The following LPAR1 variants were observed in gnomAD, a reference collection of about 807,000 sequenced individuals.
LPAR1 encodes LPA receptor 1.
Under a neutral mutation model 23.8 loss-of-function variants are expected in LPAR1, and 5 were observed. The ratio of observed to expected loss-of-function variants is 0.21; its 90% confidence interval spans 0.11 to 0.44. LPAR1 has a LOEUF of 0.44. Ranked by LOEUF, LPAR1 falls within the 20% of genes least tolerant of loss-of-function variation. The pLI is 0.99. For synonymous variants in LPAR1, 160 were observed against 164.7 expected, an observed-to-expected ratio of 0.97 and a Z score of 0.22; for missense variants, 311 against 482.8, an observed-to-expected ratio of 0.64 and a Z score of 3.33.
chr9:111,034,662 A>C (rs776901922), intron 2 of LPAR1, among the ~76,000 whole-genome samples: 1 of 152,246 alleles, frequency 6.6e-6, no homozygotes, highest in Non-Finnish European at 1.5e-5. Context: ...GCCATAAGTT[A>C]CACGGATTGT....
chr9:111,024,500 A>C (rs865803167), intron 2 of LPAR1, among the ~76,000 whole-genome samples: 33 of 147,090 alleles, frequency 2.2e-4, no homozygotes, highest in African/African-American at 2.2e-4. Flanking sequence ...ATATTTATAT[A>C]TACATAATTA....
intron 2 of LPAR1, among the ~76,000 whole-genome samples, chr9:111,002,517 G>A (rs575322585): frequency 7.2e-5 from 11 of 152,248 alleles, no homozygotes; most frequent in African/African-American, 2.4e-4. Context: ...CAGAAGTATG[G>A]CTCAATGTGG....
chr9:110,984,491 G>C (rs565811068), intron 2 of LPAR1, among the ~76,000 whole-genome samples: 2 of 152,064 alleles, frequency 1.3e-5, no homozygotes, highest in Non-Finnish European at 2.9e-5. Context: ...TGGACACTTA[G>C]GCTGCTTCCA....
chr9:111,023,731 A>G (rs1460686863), intron 2 of LPAR1, among the ~76,000 whole-genome samples: 3 of 152,226 alleles, frequency 2.0e-5, no homozygotes, highest in African/African-American at 7.2e-5. Flanking sequence ...TCATGACTAG[A>G]TAAGTGTTTT....
intron 2 of LPAR1, among the ~76,000 whole-genome samples, chr9:111,019,493 G>A (rs1291531984): frequency 6.6e-6 from 1 of 152,148 alleles, no homozygotes; most frequent in Non-Finnish European, 1.5e-5. Context: ...GTAAATGATA[G>A]TGTGTGTTTT....
At chr9:110,943,301 T>A (rs1201159768) in intron 4 of LPAR1, among the ~76,000 whole-genome samples, 2 of 151,944 alleles carry the variant, frequency 1.3e-5, no homozygotes, top group African/African-American at 4.8e-5. Flanking sequence ...TTTTCATTTT[T>A]ATTTTGCTTT....
At chr9:111,018,292 A>C (rs2097495853) in intron 2 of LPAR1, among the ~76,000 whole-genome samples, 1 of 152,198 alleles carries the variant, frequency 6.6e-6, no homozygotes, top group African/African-American at 2.4e-5. Flanking sequence ...TGCTGGTAGG[A>C]GTATGAAGCA....
rs71501655 is a variant in LPAR1, at chr9:110,994,608, G to C, written c.-181-21050C>G. 8.0e-3 allele frequency among the ~76,000 whole-genome samples: 1,220 copies of C among 152,240 alleles called. 8 individuals carry two copies. Among genetic ancestry groups the C allele is most frequent in the Non-Finnish European group, 0.012 (825 of 68,008 alleles). On this transcript the variant is annotated intron_variant, in intron 2 of 5. Transcript: ENST00000683809. ...AAAAGCTTCTTCACACTTTTTTACT[G>C]TACTTGCAACTTTTCTATAAGTTTG...
intron 2 of LPAR1, among the ~76,000 whole-genome samples, chr9:110,982,099 A>G (rs1703449358): frequency 6.6e-6 from 1 of 152,200 alleles, no homozygotes; most frequent in African/African-American, 2.4e-5. Context: ...TAGAAATACC[A>G]TTTGACTCAG....
chr9:111,027,509 AAAACAAG>A (rs2141365374), intron 2 of LPAR1, among the ~76,000 whole-genome samples: 1 of 151,146 alleles, frequency 6.6e-6, no homozygotes, highest in East Asian at 2.0e-4. Context: ...TTTAAGAAAC[AAAACAAG>A]AAAAATATTT....
chr9:110,932,686 C>A (rs946389812), intron 5 of LPAR1, among the ~76,000 whole-genome samples: 3 of 152,218 alleles, frequency 2.0e-5, no homozygotes, highest in African/African-American at 7.2e-5. Flanking sequence ...AGATCAGTGG[C>A]GGCATTAGAT....
intron 4 of LPAR1, among the ~76,000 whole-genome samples, chr9:110,952,086 C>T (rs1466302876): frequency 1.3e-5 from 2 of 152,144 alleles, no homozygotes; most frequent in African/African-American, 4.8e-5. Context: ...GATAGTCACA[C>T]TTTAAACAGA....
intron 2 of LPAR1, among the ~76,000 whole-genome samples, chr9:111,026,284 T>G (rs1047558269): frequency 6.6e-6 from 1 of 152,168 alleles, no homozygotes; most frequent in Non-Finnish European, 1.5e-5. Context: ...ATTCTCTTTG[T>G]AGCAATTGTG....
chr9:110,980,215 TAAAAAG>T (rs2096639867), intron 2 of LPAR1, among the ~76,000 whole-genome samples: 1 of 151,922 alleles, frequency 6.6e-6, no homozygotes, highest in Non-Finnish European at 1.5e-5. Context: ...ACTAGTAAGA[TAAAAAG>T]AAATAAAAAC....
intron 5 of LPAR1, among the ~76,000 whole-genome samples, chr9:110,900,402 G>A (rs983652291): frequency 2.0e-5 from 3 of 152,046 alleles, no homozygotes; most frequent in East Asian, 3.9e-4. Flanking sequence ...TTAGTGGTCC[G>A]TATTTCTCAC....
intron 4 of LPAR1, among the ~76,000 whole-genome samples, chr9:110,962,848 T>A (rs541539436): frequency 6.6e-6 from 1 of 152,304 alleles, no homozygotes; most frequent in South Asian, 2.1e-4. Flanking sequence ...TGATTTTTTT[T>A]AAATGACAGT....
At chr9:110,890,522 A>T (rs577407882) in intron 5 of LPAR1, among the ~76,000 whole-genome samples, 37 of 152,166 alleles carry the variant, frequency 2.4e-4, no homozygotes, top group Non-Finnish European at 4.4e-4. Flanking sequence ...TCTCAGTGGG[A>T]TTGGAATTGG....
At chr9:110,902,482 A>T (rs2089593426) in intron 5 of LPAR1, among the ~76,000 whole-genome samples, 1 of 152,040 alleles carries the variant, frequency 6.6e-6, no homozygotes, top group Non-Finnish European at 1.5e-5. Flanking sequence ...GTGAAGAAGG[A>T]CGTGTTTGCT....
intron 4 of LPAR1, among the ~76,000 whole-genome samples, chr9:110,958,994 C>T (rs1245986458): frequency 6.8e-6 from 1 of 148,102 alleles, no homozygotes; most frequent in Non-Finnish European, 1.5e-5. Context: ...CAGGGAAATG[C>T]AAATCAAAAC....
Sources: allele counts gnomAD v4.1 joint callset (sites outside exome capture counted in the v4.1 genomes callset), GRCh38; gene constraint gnomAD v4.1.1; transcripts MANE v1.5; gene names NCBI Gene and HGNC (gene_info 2026-07-23, HGNC 2026-07-21).